The following CALN1 variants were observed in gnomAD, a reference collection of about 807,000 sequenced individuals.
CALN1 encodes the protein calcium-binding protein 8.
Under a neutral mutation model 30.6 loss-of-function variants are expected in CALN1, and 17 were observed. That is an observed-to-expected ratio of 0.56 (90% CI 0.38 to 0.83). The LOEUF (loss-of-function observed/expected upper bound fraction) is 0.83, where lower values mean the gene tolerates loss of function less well. CALN1 is among the 40% of genes least tolerant of loss of function. CALN1 has a pLI of 0.00. For synonymous variants in CALN1, 156 were observed against 131.4 expected (o/e 1.19, Z -1.28); for missense variants, 291 against 354.9 (o/e 0.82, Z 1.45).
intron 2 of CALN1, among the ~76,000 whole-genome samples, chr7:72,291,241 T>G (rs1258723706): frequency 6.6e-6 from 1 of 152,186 alleles, no homozygotes; most frequent in Non-Finnish European, 1.5e-5. Context: ...CATTTCTGAC[T>G]TATTTCATAT....
At chr7:72,110,481 C>T (rs1807488388) in intron 3 of CALN1, among the ~76,000 whole-genome samples, 1 of 152,194 alleles carries the variant, frequency 6.6e-6, no homozygotes, top group African/African-American at 2.4e-5. Context: ...ACAGCGCAGG[C>T]CACACATCAG....
chr7:72,278,671 G>A lies in CALN1; in HGVS notation c.244+15C>T, dbSNP rs1797524510. Reference sequence around the variant, plus strand: ...GGGAGGGGGGCCATCCCCCCAAACAGGGTAGGCTCCTTACCATCGAGCTCC... The same window carrying A: ...GGGAGGGGGGCCATCCCCCCAAACAAGGTAGGCTCCTTACCATCGAGCTCC... On this transcript the variant is annotated intron_variant, in intron 3 of 6. Transcript: ENST00000395275. 6 of 1,610,458 alleles carry A rather than the reference G, an allele frequency of 3.7e-6. No homozygotes were observed. Among genetic ancestry groups the A allele is most frequent in the Non-Finnish European group, 4.2e-6 (5 of 1,177,156 alleles).
chr7:72,400,865 T>C (rs1806291931), intron 2 of CALN1, among the ~76,000 whole-genome samples: 1 of 152,106 alleles, frequency 6.6e-6, no homozygotes, highest in African/African-American at 2.4e-5. Flanking sequence ...TGGGCTTCTG[T>C]CCCTTGCAAC....
intron 3 of CALN1, among the ~76,000 whole-genome samples, chr7:72,232,982 G>GTTTAGCATGTAACATA (rs545342390): frequency 1.7e-3 from 260 of 151,992 alleles, no homozygotes; most frequent in Middle Eastern, 6.8e-3. Flanking sequence ...CATGTAACAT[G>GTTTAGCATGTAACATA]TTTAGCATGT....
chr7:72,175,866 C>T (rs2129545725), intron 3 of CALN1, among the ~76,000 whole-genome samples: 1 of 152,204 alleles, frequency 6.6e-6, no homozygotes, highest in South Asian at 2.1e-4. Flanking sequence ...CTTAGGTAAC[C>T]ACCAAACTTC....
chr7:72,269,242 T>C (rs899481607), intron 3 of CALN1, among the ~76,000 whole-genome samples: 6 of 152,140 alleles, frequency 3.9e-5, no homozygotes, highest in Non-Finnish European at 8.8e-5. Flanking sequence ...AGTTTTAGGG[T>C]ACATGTGCAC....
At chr7:72,117,979 AAAAG>A (rs1395531827) in intron 3 of CALN1, among the ~76,000 whole-genome samples, 1 of 151,926 alleles carries the variant, frequency 6.6e-6, no homozygotes, top group Non-Finnish European at 1.5e-5. Context: ...AGAAAAAAAA[AAAAG>A]AATCACTGTT....
Position 72,077,136 on chromosome 7 carries a change from A to G in CALN1, c.388+29015T>C, listed in dbSNP as rs558608267. On this transcript the variant is annotated intron_variant, in intron 4 of 6. Transcript: ENST00000395275. ...GGTAGTTCTGACCGTTACACCTTCT[A>G]TGCATGTAACAAAACATCACCAGGA... Among the ~76,000 whole-genome samples the G allele has an allele frequency of 3.3e-5, 5 of 152,320 alleles. No individual in the cohort carries two copies. In the South Asian group the frequency reaches 1.0e-3, roughly 32 times the overall value.
At chr7:72,147,862 A>T (rs1445666836) in intron 3 of CALN1, among the ~76,000 whole-genome samples, 10 of 147,894 alleles carry the variant, frequency 6.8e-5, no homozygotes, top group Admixed American at 6.2e-4. Flanking sequence ...AAAACCAAAC[A>T]TCGCATGTTC....
chr7:72,304,699 G>C (rs1334958383), intron 2 of CALN1, among the ~76,000 whole-genome samples: 3 of 152,012 alleles, frequency 2.0e-5, no homozygotes, highest in African/African-American at 7.3e-5. Context: ...AAAATCCTAT[G>C]TAGGGCATAA....
intron 2 of CALN1, among the ~76,000 whole-genome samples, chr7:72,369,945 T>C (rs1804123260): frequency 6.6e-6 from 1 of 152,206 alleles, no homozygotes; most frequent in Admixed American, 6.5e-5. Context: ...TTTGAGTCTT[T>C]CTATGAATAT....
In CALN1 at chr7:71,826,819, G is replaced by A. The variant is rs11980270; in HGVS notation, c.502-16327C>T. 1.9e-3 allele frequency among the ~76,000 whole-genome samples: 297 copies of A among 152,308 alleles called. 1 individual carries two copies. Among genetic ancestry groups the A allele is most frequent in the African/African-American group, 6.9e-3 (285 of 41,586 alleles). Reference sequence around the variant, plus strand: ...GCCTCCTGAGTAGCTGGGACTACAGGTGCATGCCACCATGTCCACATAATT... The same window carrying A: ...GCCTCCTGAGTAGCTGGGACTACAGATGCATGCCACCATGTCCACATAATT... On this transcript the variant is annotated intron_variant, in intron 5 of 6. Coordinates refer to ENST00000395275, the MANE Select transcript of CALN1 (RefSeq NM_031468.4).
intron 6 of CALN1, among the ~76,000 whole-genome samples, chr7:71,788,798 T>C (rs922224211): frequency 1.3e-5 from 2 of 151,910 alleles, no homozygotes; most frequent in Admixed American, 6.6e-5. Flanking sequence ...GCTGGGACTA[T>C]AGGCGCCCGC....
intron 5 of CALN1, among the ~76,000 whole-genome samples, chr7:71,888,299 G>A (rs1170221075): frequency 6.6e-6 from 1 of 151,884 alleles, no homozygotes; most frequent in East Asian, 1.9e-4. Flanking sequence ...TATTTTGGGG[G>A]GAGATGAAAA....
intron 4 of CALN1, among the ~76,000 whole-genome samples, chr7:72,102,624 A>G (rs899743730): frequency 6.6e-6 from 1 of 152,232 alleles, no homozygotes; most frequent in Non-Finnish European, 1.5e-5. Flanking sequence ...CCTTGGAAAC[A>G]CTATAGTAAG....
intron 4 of CALN1, among the ~76,000 whole-genome samples, chr7:72,081,703 T>C (rs949202463): frequency 6.6e-6 from 1 of 152,000 alleles, no homozygotes; most frequent in Non-Finnish European, 1.5e-5. Flanking sequence ...ATTACAGGTA[T>C]GAGCCCTGCT....
chr7:72,470,464 T>C, the CALN1 span, among the ~76,000 whole-genome samples: 2 of 152,154 alleles, frequency 1.3e-5, no homozygotes, highest in African/African-American at 4.8e-5. Context: ...GAGATGATCA[T>C]GGAAGTGTGT....
Position 71,923,003 on chromosome 7 carries a change from C to G in CALN1, c.501+100654G>C, listed in dbSNP as rs368926355. Among the ~76,000 whole-genome samples the G allele has an allele frequency of 1.4e-4, 20 of 144,596 alleles. No individual in the cohort carries two copies. The East Asian group carries it at 3.3e-3, about 24-fold the overall frequency. 94.9% of individuals were successfully genotyped at this position (144,596 alleles called of 152,430 possible). A position where few individuals can be genotyped will look rare whatever the true frequency, so the allele number is the denominator to read the frequency against. ...ATCTCTATGTATCTATCTAACTACA[C>G]TATACTATACTATACTATACTATTC... On this transcript the variant is annotated intron_variant, in intron 5 of 6. Transcript: ENST00000395275.
upstream of CALN1, among the ~76,000 whole-genome samples, chr7:72,416,376 G>C (rs1585705353): frequency 1.3e-5 from 2 of 152,336 alleles, no homozygotes; most frequent in African/African-American, 4.8e-5. Context: ...GAGCTGTAAT[G>C]CTGCTACCTC....
Sources: allele counts gnomAD v4.1 joint callset (sites outside exome capture counted in the v4.1 genomes callset), GRCh38; gene constraint gnomAD v4.1.1; transcripts MANE v1.5; gene names NCBI Gene and HGNC (gene_info 2026-07-23, HGNC 2026-07-21).